The following ZNF536 variants were observed in gnomAD, a reference collection of about 807,000 sequenced individuals.
ZNF536 encodes zinc finger protein 536.
ZNF536 carries 13 observed loss-of-function variants against 84.5 expected under a neutral mutation model. That is an observed-to-expected ratio of 0.15 (90% confidence interval 0.10 to 0.24). The LOEUF is 0.24. ZNF536 is among the 10% of genes least tolerant of loss of function. ZNF536 has a pLI of 1.00. For synonymous variants in ZNF536, 811 were observed against 742.5 expected, an observed-to-expected ratio of 1.09 and a Z score of -1.50; for missense variants, 1,536 against 1,747.5, an observed-to-expected ratio of 0.88 and a Z score of 2.16.
chr19:30,628,499 G>T (rs2048771560), intron 1 of ZNF536, among the ~76,000 whole-genome samples: 1 of 150,964 alleles, frequency 6.6e-6, no homozygotes, highest in African/African-American at 2.4e-5. Flanking sequence ...TGTGATCTTG[G>T]CTCACTGCAA....
intron 1 of ZNF536, among the ~76,000 whole-genome samples, chr19:30,425,134 G>A (rs1378643305): frequency 6.6e-6 from 1 of 152,016 alleles, no homozygotes; most frequent in Non-Finnish European, 1.5e-5. Flanking sequence ...TACACATTGG[G>A]TACAGTGTAC....
At chr19:30,646,740 A>G (rs1202609680) in intron 1 of ZNF536, among the ~76,000 whole-genome samples, 1 of 152,090 alleles carries the variant, frequency 6.6e-6, no homozygotes, top group Non-Finnish European at 1.5e-5. Context: ...ATTTCAATAA[A>G]TCCTTTCCAA....
chr19:30,299,009 G>A (rs191866649), intron 2 of ZNF536, among the ~76,000 whole-genome samples: 9 of 91,152 alleles, frequency 9.9e-5, no homozygotes, highest in Admixed American at 3.3e-4. Context: ...CCTGCCAAAG[G>A]GGGGGCCTGG....
intron 2 of ZNF536, among the ~76,000 whole-genome samples, chr19:30,293,915 C>A (rs4278863): frequency 0.23 from 34,252 of 151,964 alleles, 4,665 homozygotes; most frequent in East Asian, 0.54. Context: ...ATAACCTATG[C>A]CCATACATTT....
intron 1 of ZNF536, among the ~76,000 whole-genome samples, chr19:30,609,502 A>C (rs1419679669): frequency 6.6e-6 from 1 of 152,212 alleles, no homozygotes; most frequent in African/African-American, 2.4e-5. Context: ...CAAATGAAAT[A>C]ATTTTTGCCA....
At chr19:30,694,311 C>T (rs2051559538) in intron 1 of ZNF536, among the ~76,000 whole-genome samples, 1 of 152,220 alleles carries the variant, frequency 6.6e-6, no homozygotes, top group Non-Finnish European at 1.5e-5. Flanking sequence ...AGTGATTGAA[C>T]CAGCAGGGAC....
At chr19:30,581,951 A>AAAAAC (rs920665725) in intron 1 of ZNF536, among the ~76,000 whole-genome samples, 2 of 152,142 alleles carry the variant, frequency 1.3e-5, no homozygotes, top group Non-Finnish European at 2.9e-5. Context: ...AAAACAAAAC[A>AAAAAC]AAAACAAAAC....
chr19:30,428,552 G>T (rs1237258575), intron 1 of ZNF536, among the ~76,000 whole-genome samples: 1 of 152,138 alleles, frequency 6.6e-6, no homozygotes, highest in Non-Finnish European at 1.5e-5. Context: ...CACAGTGGCT[G>T]CTGAAGGCTG....
intron 1 of ZNF536, among the ~76,000 whole-genome samples, chr19:30,656,387 A>G (rs1353245255): frequency 6.6e-6 from 1 of 152,244 alleles, no homozygotes; most frequent in Non-Finnish European, 1.5e-5. Context: ...GTGAAATCAC[A>G]TTAAAACAAT....
chr19:30,239,860 A>G (rs1016266576), intron 1 of ZNF536, among the ~76,000 whole-genome samples: 1 of 152,102 alleles, frequency 6.6e-6, no homozygotes, highest in Non-Finnish European at 1.5e-5. Context: ...ACACCTATCC[A>G]TGCCAAAAAG....
chr19:30,634,234 A>C (rs2147267038), intron 1 of ZNF536, among the ~76,000 whole-genome samples: 1 of 152,302 alleles, frequency 6.6e-6, no homozygotes, highest in Middle Eastern at 3.4e-3. Flanking sequence ...TTGTGCCGTA[A>C]GTTAGCAGGA....
At chr19:30,450,075 A>ATTTTTTTTT (rs34039352) in intron 2 of ZNF536, among the ~76,000 whole-genome samples, 1 of 131,862 alleles carries the variant, frequency 7.6e-6, no homozygotes, top group Non-Finnish European at 1.6e-5. Flanking sequence ...TAAGATCTTC[A>ATTTTTTTTT]TTTTTTTTTT....
At chr19:30,664,181 T>C (rs1284574450) in intron 1 of ZNF536, among the ~76,000 whole-genome samples, 3 of 150,088 alleles carry the variant, frequency 2.0e-5, no homozygotes, top group Admixed American at 6.7e-5. Context: ...AATAGTGCTA[T>C]CTAGAGGAAT....
chr19:30,460,782 G>A (rs1256313277), intron 2 of ZNF536, among the ~76,000 whole-genome samples: 2 of 152,172 alleles, frequency 1.3e-5, no homozygotes, highest in African/African-American at 4.8e-5. Context: ...CTGTCTTTGG[G>A]AATGGCCCAC....
At chr19:30,693,989 C>G (rs924835604) in intron 1 of ZNF536, among the ~76,000 whole-genome samples, 2 of 152,210 alleles carry the variant, frequency 1.3e-5, no homozygotes, top group African/African-American at 2.4e-5. Flanking sequence ...TATGGCCCCC[C>G]CAACCCACTG....
At chr19:30,524,643 T>A (rs2044501057) in intron 2 of ZNF536, among the ~76,000 whole-genome samples, 1 of 152,230 alleles carries the variant, frequency 6.6e-6, no homozygotes, top group African/African-American at 2.4e-5. Context: ...TTGGTCCAGT[T>A]TGTTCCTGGT....
At chr19:30,471,145 T>A (rs2053618588) in intron 2 of ZNF536, among the ~76,000 whole-genome samples, 1 of 152,146 alleles carries the variant, frequency 6.6e-6, no homozygotes, top group Non-Finnish European at 1.5e-5. Flanking sequence ...GATGTTCTTC[T>A]CATGGTTAGA....
At chr19:30,234,777 G>GCA (rs1568511745) in intron 1 of ZNF536, among the ~76,000 whole-genome samples, 11 of 147,900 alleles carry the variant, frequency 7.4e-5, no homozygotes, top group Non-Finnish European at 1.3e-4. Flanking sequence ...ACACACACGC[G>GCA]CACACGCACC....
chr19:30,701,416 A>C (rs1288428711), intron 1 of ZNF536, among the ~76,000 whole-genome samples: 1 of 139,670 alleles, frequency 7.2e-6, no homozygotes, highest in Non-Finnish European at 1.6e-5. Flanking sequence ...CAGACACAAA[A>C]ACACACAAAC....
Sources: gnomAD v4.1 joint callset for allele counts (sites outside exome capture counted in the v4.1 genomes callset) on GRCh38, gnomAD v4.1.1 for gene constraint, MANE v1.5 for transcripts, NCBI Gene and HGNC (gene_info 2026-07-23, HGNC 2026-07-21) for gene names.